Variants in IGF1R observed in about 807,000 individuals in gnomAD.
IGF1R encodes insulin-like growth factor 1 receptor.
A neutral mutation model predicts 144.6 loss-of-function variants in IGF1R; 44 were observed. The observed-to-expected ratio is 0.30, with a 90% CI of 0.24 to 0.39. The LOEUF is 0.39. Ranked by LOEUF, IGF1R falls within the 10% of genes least tolerant of loss-of-function variation. IGF1R has a pLI of 1.00. For synonymous variants in IGF1R, 795 were observed against 722.8 expected (o/e 1.10, Z -1.60); for missense variants, 1,355 against 1,833.7 (o/e 0.74, Z 4.77).
chr15:98,935,300 T>C lies in IGF1R; in HGVS notation c.3187-16T>C, dbSNP rs1195279400. 3 of 1,522,870 alleles carry C rather than the reference T, an allele frequency of 2.0e-6. No homozygotes were observed. The highest frequency in any genetic ancestry group is 2.4e-5 in the South Asian group (2 of 83,454). 94.3% of individuals were successfully genotyped at this position (1,522,870 alleles called of 1,614,324 possible). On this transcript the variant is annotated splice_polypyrimidine_tract_variant and intron_variant, in intron 16 of 20. Transcript: ENST00000650285. The surrounding 1 kb of genome is among the most constrained non-coding windows in gnomAD (Gnocchi z 4.2). The stretch of plus-strand genomic sequence containing the variant: ...CACCTGACCCTCTGAGTCTTTCTCT[T>C]TTTGATTCCTCCCAGGTGCGATTGC...
At chr15:98,925,701 G>C (rs1319919879) in intron 13 of IGF1R, among the ~76,000 whole-genome samples, 1 of 152,218 alleles carries the variant, frequency 6.6e-6, no homozygotes, top group African/African-American at 2.4e-5. Context: ...TCAGGAGTTT[G>C]AGACTAGCCT....
At chr15:98,806,922 A>G (rs2056484554) in intron 2 of IGF1R, among the ~76,000 whole-genome samples, 1 of 152,194 alleles carries the variant, frequency 6.6e-6, no homozygotes, top group African/African-American at 2.4e-5. Context: ...GCACGTTGGG[A>G]GGCCGAGGTG....
chr15:98,959,680 A>G lies in IGF1R; in HGVS notation c.*2238A>G. On this transcript the variant is annotated 3_prime_UTR_variant, in exon 21 of 21. Coordinates refer to ENST00000650285, the MANE Select transcript of IGF1R (RefSeq NM_000875.5). The stretch of plus-strand genomic sequence containing the variant: ...CACTTCTCACCAGAGAGATGACAGC[A>G]CAAGAGTTGCTTCTGGGATAGAAAT... The G allele has an allele frequency of 4.3e-6, 1 of 233,680 alleles. No individual in the cohort carries two copies. Among genetic ancestry groups the G allele is most frequent in the Non-Finnish European group, 8.5e-6 (1 of 118,008 alleles). 14.5% of individuals were successfully genotyped at this position (233,680 alleles called of 1,614,324 possible).
Position 98,934,829 on chromosome 15 carries a change from G to A in IGF1R, c.2962G>A (p.Val988Ile), listed in dbSNP as rs1369647045. Residue 988 changes from valine (V) to isoleucine (I), a missense_variant, in exon 16 of 21, where the codon GTT (valine) becomes ATT (isoleucine). Val to Ile is a conservative substitution (Grantham distance 29). Coordinates refer to ENST00000650285, the MANE Select transcript of IGF1R (RefSeq NM_000875.5). ...PEYFSAADVY[V>I]PDEWEVAREK... Reference sequence around the variant, plus strand: ...AATTACGGTTTCTTCTCCAGTGTACGTTCCTGATGAGTGGGAGGTGGCTCG... The same window carrying A: ...AATTACGGTTTCTTCTCCAGTGTACATTCCTGATGAGTGGGAGGTGGCTCG... 3.7e-6 allele frequency: 6 copies of A among 1,613,832 alleles called. No homozygotes were observed. Among genetic ancestry groups the A allele is most frequent in the South Asian group, 2.2e-5 (2 of 91,090 alleles).
intron 1 of IGF1R, among the ~76,000 whole-genome samples, chr15:98,683,734 T>C (rs2053249973): frequency 6.6e-6 from 1 of 152,228 alleles, no homozygotes; most frequent in South Asian, 2.1e-4. Context: ...TTAAAGTTTT[T>C]GTTTTTTCTT....
At chr15:98,690,948 A>C (rs1389838291) in intron 1 of IGF1R, among the ~76,000 whole-genome samples, 1 of 152,190 alleles carries the variant, frequency 6.6e-6, no homozygotes, top group Non-Finnish European at 1.5e-5. Flanking sequence ...ATGCATACTC[A>C]CTGTTTCTTT....
intron 2 of IGF1R, among the ~76,000 whole-genome samples, chr15:98,853,423 T>G (rs921059710): frequency 1.3e-5 from 2 of 152,184 alleles, no homozygotes; most frequent in Non-Finnish European, 1.5e-5. Context: ...GGCTTCTCTG[T>G]GTCACAGGCT....
chr15:98,856,694 T>C (rs1319051348), intron 2 of IGF1R, among the ~76,000 whole-genome samples: 4 of 152,250 alleles, frequency 2.6e-5, no homozygotes. Flanking sequence ...TGCTGTTCTT[T>C]AGCAAAATAC....
At chr15:98,914,642 G>A (rs959150461) in intron 8 of IGF1R, among the ~76,000 whole-genome samples, 2 of 152,100 alleles carry the variant, frequency 1.3e-5, no homozygotes, top group African/African-American at 4.8e-5. Context: ...GCAATTCACT[G>A]TAGTGTTTGG....
At position 98,961,307 on chromosome 15, in the gene IGF1R, C is replaced by T. The variant is rs904138662; in HGVS notation, c.*3865C>T. 2 of 233,408 alleles carry T rather than the reference C, an allele frequency of 8.6e-6. No homozygotes were observed. The highest frequency in any genetic ancestry group is 1.7e-5 in the Non-Finnish European group (2 of 117,938). 14.5% of individuals were successfully genotyped at this position (233,408 alleles called of 1,614,324 possible). Reference sequence around the variant, plus strand: ...GGTTTTGTTTAAACTGTCCGAGTTACTGATGTCATTTTGTTTTTGTTTTAT... The same window carrying T: ...GGTTTTGTTTAAACTGTCCGAGTTATTGATGTCATTTTGTTTTTGTTTTAT... On this transcript the variant is annotated 3_prime_UTR_variant, in exon 21 of 21. Coordinates refer to ENST00000650285, the MANE Select transcript of IGF1R (RefSeq NM_000875.5).
At chr15:98,652,163 T>C (rs1011729332) in intron 1 of IGF1R, among the ~76,000 whole-genome samples, 3 of 152,260 alleles carry the variant, frequency 2.0e-5, no homozygotes, top group African/African-American at 7.2e-5. Context: ...GGCAGTCATA[T>C]GGATGTGTTT....
intron 2 of IGF1R, chr15:98,880,732 G>C (rs1211109629): frequency 1.3e-5 from 2 of 152,236 alleles, no homozygotes; most frequent in Admixed American, 1.3e-4. Flanking sequence ...GCCCATGGGG[G>C]ATTTGTTCTG....
intron 2 of IGF1R, among the ~76,000 whole-genome samples, chr15:98,776,457 A>T (rs1235031328): frequency 2.0e-5 from 3 of 152,182 alleles, no homozygotes; most frequent in African/African-American, 7.2e-5. Flanking sequence ...AAGTGCTGGG[A>T]TTACAGGTGT....
intron 2 of IGF1R, among the ~76,000 whole-genome samples, chr15:98,756,057 T>C (rs1033958205): frequency 6.6e-6 from 1 of 152,160 alleles, no homozygotes; most frequent in African/African-American, 2.4e-5. Flanking sequence ...TATGTTGCTA[T>C]TTGATTTGCT....
intron 2 of IGF1R, among the ~76,000 whole-genome samples, chr15:98,791,506 A>G (rs1202754735): frequency 2.6e-5 from 4 of 152,220 alleles, no homozygotes; most frequent in African/African-American, 9.6e-5. Flanking sequence ...GGACTGTGTC[A>G]GAGGAAGATT....
chr15:98,915,320 G>A (rs1408907779), intron 8 of IGF1R, among the ~76,000 whole-genome samples: 1 of 152,202 alleles, frequency 6.6e-6, no homozygotes, highest in Non-Finnish European at 1.5e-5. Flanking sequence ...AGGCTTCCAT[G>A]CGTTTGCAGT....
intron 2 of IGF1R, among the ~76,000 whole-genome samples, chr15:98,748,048 A>C (rs1186072042): frequency 6.6e-6 from 1 of 152,220 alleles, no homozygotes; most frequent in African/African-American, 2.4e-5. Context: ...TCCAAAACTA[A>C]AAATGCTTCC....
rs1220875775 is a variant in IGF1R, at chr15:98,774,389, T to A, written c.640+66282T>A. On this transcript the variant is annotated intron_variant, in intron 2 of 20. Transcript: ENST00000650285. ...AAAAGACTGAAGGATGTGTTTACCA[T>A]TGATTGCACAGGGACTGCAGTGTCT... 2.6e-5 allele frequency among the ~76,000 whole-genome samples: 4 copies of A among 152,218 alleles called. No individual in the cohort carries two copies. The East Asian group carries it at 7.7e-4, about 29-fold the overall frequency.
chr15:98,884,645 A>C (rs1008457315), intron 2 of IGF1R, among the ~76,000 whole-genome samples: 4 of 141,458 alleles, frequency 2.8e-5, no homozygotes, highest in Admixed American at 1.6e-4. Flanking sequence ...AGATTGAGCC[A>C]CTGCACTCCA....
Sources: gnomAD v4.1 joint callset for allele counts (sites outside exome capture counted in the v4.1 genomes callset) on GRCh38, gnomAD v4.1.1 for gene constraint, Gnocchi (gnomAD v3.1) non-coding constraint, MANE v1.5 for transcripts, NCBI Gene and HGNC (gene_info 2026-07-23, HGNC 2026-07-21) for gene names.